Variants in C1QTNF1 observed in about 807,000 individuals in gnomAD.
C1QTNF1 encodes C1q and TNF related 1.
C1QTNF1 carries 22 observed loss-of-function variants against 27.8 expected under a neutral mutation model. The observed-to-expected ratio is 0.79, with a 90% CI of 0.56 to 1.13. C1QTNF1 has a LOEUF of 1.13. Ranked by LOEUF, C1QTNF1 falls within the 50% of genes most tolerant of loss-of-function variation. C1QTNF1 has a pLI of 0.00. For synonymous variants in C1QTNF1, 166 were observed against 154.3 expected (o/e 1.08, Z -0.56); for missense variants, 373 against 380.2 (o/e 0.98, Z 0.16).
In C1QTNF1 at chr17:79,024,494, G is replaced by C. The variant is rs1472804664; in HGVS notation, c.-15G>C. ...CGGGAGGAGCGGCCGGCGGGACGGAGGTAGGTGGCCGGGCCGGGGGACCCA... is the reference window on the plus strand; with the variant it reads ...CGGGAGGAGCGGCCGGCGGGACGGACGTAGGTGGCCGGGCCGGGGGACCCA... On this transcript the variant is annotated splice_region_variant and 5_prime_UTR_variant, in exon 1 of 4. Coordinates refer to ENST00000579760, the MANE Select transcript of C1QTNF1 (RefSeq NM_030968.5). 1 of 152,484 alleles carries C rather than the reference G, an allele frequency of 6.6e-6. No individual in the cohort carries two copies. The highest frequency in any genetic ancestry group is 2.4e-5 in the African/African-American group (1 of 41,470). The allele number at this position is 152,484 out of a possible 1,614,324, so 9.4% of individuals were successfully genotyped here.
intron 1 of C1QTNF1, among the ~76,000 whole-genome samples, chr17:79,025,322 T>A (rs2071913904): frequency 6.6e-6 from 1 of 152,108 alleles, no homozygotes; most frequent in African/African-American, 2.4e-5. Flanking sequence ...GAAAGCCAGA[T>A]TATCTTCTCT....
At chr17:79,030,971 C>G (rs536509666) in intron 1 of C1QTNF1, among the ~76,000 whole-genome samples, 1 of 151,320 alleles carries the variant, frequency 6.6e-6, no homozygotes, top group Non-Finnish European at 1.5e-5. Flanking sequence ...CTGGCTGATT[C>G]TGCTCCCCAG....
chr17:79,026,651 T>C (rs1373133474), intron 1 of C1QTNF1, among the ~76,000 whole-genome samples: 1 of 152,166 alleles, frequency 6.6e-6, no homozygotes, highest in Non-Finnish European at 1.5e-5. Flanking sequence ...CCAAGGGTGG[T>C]GTCCCCAGTG....
chr17:79,028,278 C>G (rs2072029262), intron 1 of C1QTNF1, among the ~76,000 whole-genome samples: 1 of 152,238 alleles, frequency 6.6e-6, no homozygotes. Flanking sequence ...GCCCCAAACC[C>G]TATGCTTTGG....
chr17:79,033,919 C>T (rs796619955), intron 1 of C1QTNF1, among the ~76,000 whole-genome samples: 46 of 152,170 alleles, frequency 3.0e-4, no homozygotes, highest in African/African-American at 1.1e-3. Context: ...TTGGGTGCCA[C>T]GAGGGTCGTG....
At chr17:79,036,471 A>G (rs2072267245) in intron 1 of C1QTNF1, among the ~76,000 whole-genome samples, 1 of 152,204 alleles carries the variant, frequency 6.6e-6, no homozygotes, top group South Asian at 2.1e-4. Flanking sequence ...CACTGTGCCC[A>G]GCCTACATGT....
chr17:79,043,786 G>A (rs1568069642), intron 1 of C1QTNF1, 169 bp from the exon 2 acceptor site: 2 of 743,656 alleles, frequency 2.7e-6, no homozygotes, highest in East Asian at 5.4e-5. Context: ...ATGGGTGTGT[G>A]AGAGTGATTG....
upstream of C1QTNF1, among the ~76,000 whole-genome samples, chr17:79,023,484 T>A (rs948583575): frequency 6.6e-6 from 1 of 152,196 alleles, no homozygotes; most frequent in Non-Finnish European, 1.5e-5. Flanking sequence ...TATTTGTGTA[T>A]GACTGAGAAA....
At position 79,029,340 on chromosome 17, in the gene C1QTNF1, G is replaced by C. The variant is rs540433333; in HGVS notation, c.-15+4846G>C. ...TGTGCTTTGCTGTCGGACACACCTA[G>C]GTCTAATCTGAGCTCCAGCACCTCC... On this transcript the variant is annotated intron_variant, in intron 1 of 3. Transcript: ENST00000579760. Among the ~76,000 whole-genome samples the C allele has an allele frequency of 5.3e-5, 8 of 152,302 alleles. No homozygotes were observed. The East Asian group carries it at 1.5e-3, about 29-fold the overall frequency.
At chr17:79,027,082 G>A (rs561520263) in intron 1 of C1QTNF1, among the ~76,000 whole-genome samples, 5 of 60,046 alleles carry the variant, frequency 8.3e-5, no homozygotes, top group East Asian at 3.6e-3. Context: ...GTTCCTGGGC[G>A]GGGGGGGGCT....
intron 1 of C1QTNF1, among the ~76,000 whole-genome samples, chr17:79,027,961 G>A (rs2072017443): frequency 6.6e-6 from 1 of 152,184 alleles, no homozygotes; most frequent in Admixed American, 6.5e-5. Flanking sequence ...CTGGATCTAA[G>A]CCGTTCTCCA....
intron 1 of C1QTNF1, among the ~76,000 whole-genome samples, chr17:79,043,138 T>C (rs2072461833): frequency 2.0e-5 from 3 of 151,476 alleles, no homozygotes; most frequent in Admixed American, 2.0e-4. Context: ...TGTGTGCATG[T>C]TGGATTGCAT....
Position 79,047,694 on chromosome 17 carries a change from G to A in C1QTNF1, c.452G>A (p.Gly151Asp). Residue 151 changes from glycine to aspartate, a missense_variant, in exon 4 of 4, where the codon GGC becomes GAC. By Grantham distance (94) the Gly-to-Asp change is moderately conservative. Coordinates refer to ENST00000579760, the MANE Select transcript of C1QTNF1 (RefSeq NM_030968.5). ...AGCCACTACGCCGCCTTTTCGGTGG[G>A]CCGGAAGAAGCCCATGCACAGCAAC... Reference protein sequence around the residue: ...CKSHYAAFSVGRKKPMHSNHY... With the variant: ...CKSHYAAFSVDRKKPMHSNHY... 1 of 1,613,932 alleles carries A rather than the reference G, an allele frequency of 6.2e-7. No homozygotes were observed. Among genetic ancestry groups the A allele is most frequent in the Non-Finnish European group, 8.5e-7 (1 of 1,179,956 alleles).
At chr17:79,036,498 T>C (rs1293575308) in intron 1 of C1QTNF1, among the ~76,000 whole-genome samples, 1 of 152,230 alleles carries the variant, frequency 6.6e-6, no homozygotes, top group East Asian at 1.9e-4. Context: ...AGTTATTGAA[T>C]GCTTGAAATG....
Position 79,048,229 on chromosome 17 carries a change from G to C in C1QTNF1, c.*141G>C. On this transcript the variant is annotated 3_prime_UTR_variant, in exon 4 of 4. Transcript: ENST00000579760. Reference sequence around the variant, plus strand: ...CCCTGCACACACAGAAAGCCAAAGCGATCGGTGCTCCCAGATCCCGCAGCC... The same window carrying C: ...CCCTGCACACACAGAAAGCCAAAGCCATCGGTGCTCCCAGATCCCGCAGCC... 2 of 832,822 alleles carry C rather than the reference G, an allele frequency of 2.4e-6. No homozygotes were observed. Among genetic ancestry groups the C allele is most frequent in the Non-Finnish European group, 3.6e-6 (2 of 559,380 alleles). The allele number at this position is 832,822 out of a possible 1,614,324, so 51.6% of individuals were successfully genotyped here.
At chr17:79,039,288 C>A (rs1192015273) in intron 1 of C1QTNF1, among the ~76,000 whole-genome samples, 1 of 152,210 alleles carries the variant, frequency 6.6e-6, no homozygotes, top group Non-Finnish European at 1.5e-5. Flanking sequence ...TCCAGGGTTA[C>A]TGCTAAGCAT....
chr17:79,030,714 C>G (rs999591630), intron 1 of C1QTNF1, among the ~76,000 whole-genome samples: 3 of 151,870 alleles, frequency 2.0e-5, no homozygotes, highest in African/African-American at 7.3e-5. Context: ...ATTCTCCTGC[C>G]TCAGCCTTCC....
At position 79,038,459 on chromosome 17, in the gene C1QTNF1, G is replaced by A. The variant is rs533170593; in HGVS notation, c.-14-5496G>A. Among the ~76,000 whole-genome samples the A allele has an allele frequency of 8.5e-5, 13 of 152,316 alleles. No homozygotes were observed. In the East Asian group the frequency reaches 1.5e-3, roughly 18 times the overall value. ...GATGATGTGGGGTTGAGGAAGGGAC[G>A]CTGAAGAGCGGCTAGTCCTCAGGGA... On this transcript the variant is annotated intron_variant, in intron 1 of 3. Transcript: ENST00000579760.
intron 1 of C1QTNF1, among the ~76,000 whole-genome samples, chr17:79,038,328 C>T (rs1467435837): frequency 6.6e-6 from 1 of 152,208 alleles, no homozygotes; most frequent in Non-Finnish European, 1.5e-5. Context: ...CCTCAGGCTT[C>T]CTGTCCTCCT....
Sources: allele counts gnomAD v4.1 joint callset (sites outside exome capture counted in the v4.1 genomes callset), GRCh38; gene constraint gnomAD v4.1.1; transcripts MANE v1.5; gene names NCBI Gene and HGNC (gene_info 2026-07-23, HGNC 2026-07-21).